Variants in ZFHX3 observed in about 807,000 individuals in gnomAD.
ZFHX3 encodes zinc finger homeobox protein 3.
In ZFHX3, 42 loss-of-function variants were observed where a neutral mutation model predicts 279.1. The ratio of observed to expected loss-of-function variants is 0.15; its 90% CI spans 0.12 to 0.19. The LOEUF is 0.19. Ranked by LOEUF, ZFHX3 falls within the 10% of genes least tolerant of loss-of-function variation. The pLI is 1.00. For missense variants in ZFHX3, 4,981 were observed against 4,754.0 expected, an observed-to-expected ratio of 1.05 and a Z score of -1.40; for synonymous variants, 2,293 against 1,957.8, an observed-to-expected ratio of 1.17 and a Z score of -4.52.
At chr16:73,458,265 CCTTT>C (rs1253579715) in intron 2 of ZFHX3, among the ~76,000 whole-genome samples, 3 of 151,644 alleles carry the variant, frequency 2.0e-5, no homozygotes, top group African/African-American at 4.9e-5. Context: ...TTTCTTTTCT[CCTTT>C]CTTTCTTTCT....
At chr16:73,046,136 G>A (rs1965292418) in intron 1 of ZFHX3, among the ~76,000 whole-genome samples, 1 of 152,192 alleles carries the variant, frequency 6.6e-6, no homozygotes, top group African/African-American at 2.4e-5. Context: ...AAGGGTGCCT[G>A]CAGGGTCTCT....
chr16:73,582,812 C>G (rs186240833), intron 2 of ZFHX3, among the ~76,000 whole-genome samples: 1 of 151,734 alleles, frequency 6.6e-6, no homozygotes, highest in African/African-American at 2.4e-5. Flanking sequence ...CCATCTGAAC[C>G]CAACTCTTGC....
intron 2 of ZFHX3, among the ~76,000 whole-genome samples, chr16:73,493,594 G>A (rs1249616715): frequency 6.6e-6 from 1 of 152,166 alleles, no homozygotes; most frequent in African/African-American, 2.4e-5. Flanking sequence ...CACTGTACCT[G>A]GGAAGGACAG....
At chr16:72,936,045 T>G (rs1352712992) in intron 3 of ZFHX3, among the ~76,000 whole-genome samples, 3 of 152,126 alleles carry the variant, frequency 2.0e-5, no homozygotes, top group Non-Finnish European at 4.4e-5. Flanking sequence ...ATTTTCAAAG[T>G]AATTTGACAC....
intron 3 of ZFHX3, among the ~76,000 whole-genome samples, chr16:73,361,336 C>T (rs184361794): frequency 6.6e-6 from 1 of 152,314 alleles, no homozygotes; most frequent in African/African-American, 2.4e-5. Context: ...GGGCTTGCCC[C>T]CTTGGAAGCC....
intron 3 of ZFHX3, among the ~76,000 whole-genome samples, chr16:73,441,335 C>A (rs1342011223): frequency 6.6e-6 from 1 of 152,008 alleles, no homozygotes; most frequent in Non-Finnish European, 1.5e-5. Context: ...TTTATACATT[C>A]CCCCTCCTAA....
intron 1 of ZFHX3, among the ~76,000 whole-genome samples, chr16:73,847,510 CA>C (rs960624005): frequency 6.6e-6 from 1 of 152,110 alleles, no homozygotes; most frequent in African/African-American, 2.4e-5. Context: ...TGAATCTGTT[CA>C]TAGTATAATT....
At chr16:73,625,921 G>C (rs985375108) in intron 2 of ZFHX3, among the ~76,000 whole-genome samples, 1 of 152,122 alleles carries the variant, frequency 6.6e-6, no homozygotes, top group Non-Finnish European at 1.5e-5. Context: ...TCAGCGGCAC[G>C]ATCTCTGCTC....
At chr16:72,879,430 CT>C (rs1567561349) in intron 4 of ZFHX3, among the ~76,000 whole-genome samples, 1 of 152,086 alleles carries the variant, frequency 6.6e-6, no homozygotes, top group Admixed American at 6.5e-5. Flanking sequence ...GTTTCTATTT[CT>C]TTTTTTTCTT....
chr16:72,933,809 C>CTTTTTTTTTTTTTTTTTTTTTTTTT (rs1408711216), intron 3 of ZFHX3, among the ~76,000 whole-genome samples: 1 of 114,634 alleles, frequency 8.7e-6, no homozygotes, highest in African/African-American at 3.0e-5. Flanking sequence ...TAGCTCACAA[C>CTTTTTTTTTTTTTTTTTTTTTTTTT]TTTCTTTTTT....
chr16:73,027,304 G>A (rs1184727056), intron 1 of ZFHX3, among the ~76,000 whole-genome samples: 1 of 152,122 alleles, frequency 6.6e-6, no homozygotes, highest in Non-Finnish European at 1.5e-5. Flanking sequence ...GCCAAAAAAA[G>A]ACAAACCGTG....
At chr16:73,542,065 G>A (rs1282238448) in intron 2 of ZFHX3, among the ~76,000 whole-genome samples, 1 of 151,986 alleles carries the variant, frequency 6.6e-6, no homozygotes, top group Non-Finnish European at 1.5e-5. Context: ...CTCCCAAAAT[G>A]CTTGGATTAC....
At chr16:72,964,869 G>C (rs529267184) in intron 1 of ZFHX3, among the ~76,000 whole-genome samples, 1 of 152,056 alleles carries the variant, frequency 6.6e-6, no homozygotes, top group African/African-American at 2.4e-5. Context: ...CTGACAAACC[G>C]GAGAGTATGG....
chr16:73,356,910 G>A (rs1270561034), intron 3 of ZFHX3, among the ~76,000 whole-genome samples: 10 of 151,438 alleles, frequency 6.6e-5, no homozygotes, highest in Admixed American at 6.6e-5. Context: ...GAGCTAACAG[G>A]GTGGGAAGCA....
At chr16:73,840,092 A>T (rs2142368427) in intron 1 of ZFHX3, among the ~76,000 whole-genome samples, 1 of 152,286 alleles carries the variant, frequency 6.6e-6, no homozygotes, top group Non-Finnish European at 1.5e-5. Flanking sequence ...CCAGCTCAGG[A>T]TCCAGTACAC....
At chr16:73,563,629 C>A (rs1414908234) in intron 2 of ZFHX3, among the ~76,000 whole-genome samples, 1 of 152,130 alleles carries the variant, frequency 6.6e-6, no homozygotes, top group Non-Finnish European at 1.5e-5. Context: ...CGTGAAACAG[C>A]AATAATCTAA....
intron 1 of ZFHX3, among the ~76,000 whole-genome samples, chr16:73,719,109 C>T (rs1283878915): frequency 2.0e-5 from 3 of 152,170 alleles, no homozygotes; most frequent in Non-Finnish European, 4.4e-5. Flanking sequence ...GTATCAAGAA[C>T]GATAAATAAG....
chr16:73,794,229 G>A (rs192172425), intron 1 of ZFHX3: 12 of 152,318 alleles, frequency 7.9e-5, no homozygotes, highest in Non-Finnish European at 1.5e-4. Flanking sequence ...AGCTACAGGA[G>A]GGTGGACATC....
chr16:73,762,451 C>T (rs1270785122), intron 1 of ZFHX3, among the ~76,000 whole-genome samples: 1 of 152,134 alleles, frequency 6.6e-6, no homozygotes, highest in Non-Finnish European at 1.5e-5. Context: ...CAGAAATACC[C>T]TTTGACCCAG....
Sources: gnomAD v4.1 joint callset for allele counts (sites outside exome capture counted in the v4.1 genomes callset) on GRCh38, gnomAD v4.1.1 for gene constraint, MANE v1.5 for transcripts, NCBI Gene and HGNC (gene_info 2026-07-23, HGNC 2026-07-21) for gene names.